Variants in B4GALT1 observed in about 807,000 individuals in gnomAD.
The protein encoded by B4GALT1 is N-acetyllactosamine synthase.
B4GALT1 carries 16 observed loss-of-function variants against 34.9 expected under a neutral mutation model. That is an observed-to-expected ratio of 0.46 (90% CI 0.31 to 0.70). The LOEUF is 0.70. Among genes scored for constraint, B4GALT1 ranks in the 30% least tolerant of loss-of-function variants. The pLI is 0.05. For missense variants in B4GALT1, 445 were observed against 530.5 expected (o/e 0.84, Z 1.58); for synonymous variants, 221 against 218.1 (o/e 1.01, Z -0.12).
At chr9:33,113,743 G>A (rs766562764) in intron 5 of B4GALT1, 31 bp downstream of exon 5, 1 of 1,612,670 alleles carries the variant, frequency 6.2e-7, no homozygotes, top group Non-Finnish European at 8.5e-7. Flanking sequence ...ATCCTAAAGG[G>A]GGAAGGAGTA....
At chr9:33,135,053 C>T (rs527940077) in intron 2 of B4GALT1, 136 bp downstream of exon 2, 18 of 878,820 alleles carry the variant, frequency 2.0e-5, no homozygotes, top group East Asian at 1.6e-4. Context: ...CTGGTGGTGG[C>T]TGGGGGGCTG....
chr9:33,171,838 AGCCATTTCACCTG>A (rs1240016054), upstream of B4GALT1, among the ~76,000 whole-genome samples: 1 of 152,196 alleles, frequency 6.6e-6, no homozygotes, highest in Non-Finnish European at 1.5e-5. Flanking sequence ...TACCAGCATG[AGCCATTTCACCTG>A]GCTGACTCCA....
At position 33,166,988 on chromosome 9, in the gene B4GALT1, T is replaced by G. The variant is rs776449487; in HGVS notation, c.182A>C (p.Gln61Pro). Reference protein sequence around the residue: ...PQLVGVSTPLQGGSNSAAAIG... With the variant: ...PQLVGVSTPLPGGSNSAAAIG... Reference sequence around the variant, plus strand: ...GGCGGCGGCACTGTTCGAGCCGCCCTGCAGCGGTGTGGAGACTCCGACCAG... The same window carrying G: ...GGCGGCGGCACTGTTCGAGCCGCCCGGCAGCGGTGTGGAGACTCCGACCAG... The change falls in exon 1 of 6, where the codon CAG becomes CCG. Residue 61 changes from glutamine to proline, a missense_variant. This residue lies in a region of B4GALT1 where 349 missense variants were observed against 395.5 expected (regional missense o/e 0.88). Coordinates refer to ENST00000379731, the MANE Select transcript of B4GALT1 (RefSeq NM_001497.4). The G allele has an allele frequency of 1.9e-5, 31 of 1,590,730 alleles. No homozygotes were observed. Among genetic ancestry groups the G allele is most frequent in the Non-Finnish European group, 2.6e-5 (31 of 1,175,072 alleles).
At chr9:33,180,519 T>C in the B4GALT1 span, among the ~76,000 whole-genome samples, 30 of 152,228 alleles carry the variant, frequency 2.0e-4, no homozygotes, top group Admixed American at 1.5e-3. Context: ...AAAGTCCATG[T>C]ACCAACCAGA....
At chr9:33,116,200 T>A (rs1839935294) in intron 3 of B4GALT1, 87 bp from the exon 4 acceptor site, 1 of 1,482,166 alleles carries the variant, frequency 6.7e-7, no homozygotes, top group Non-Finnish European at 9.2e-7. Flanking sequence ...ACATAAACAC[T>A]TTTAAAGTTA....
upstream of B4GALT1, among the ~76,000 whole-genome samples, chr9:33,168,813 C>T (rs1171100752): frequency 6.6e-6 from 1 of 152,260 alleles, no homozygotes; most frequent in Non-Finnish European, 1.5e-5. Flanking sequence ...CCCTGACCTC[C>T]AGATTCAACT....
chr9:33,181,105 C>G, the B4GALT1 span, among the ~76,000 whole-genome samples: 1 of 152,088 alleles, frequency 6.6e-6, no homozygotes, highest in Non-Finnish European at 1.5e-5. Flanking sequence ...TGAGAAATCT[C>G]CACTTCCTTT....
chr9:33,135,116 C>T, intron 2 of B4GALT1, 73 bp downstream of exon 2: 1 of 1,439,474 alleles, frequency 6.9e-7, no homozygotes, highest in Non-Finnish European at 9.6e-7. Context: ...TTCCCCTGCC[C>T]TCATTACACA....
chr9:33,148,804 TA>T (rs72391353), intron 1 of B4GALT1, among the ~76,000 whole-genome samples: 5,978 of 127,656 alleles, frequency 0.047, 152 homozygotes, highest in Non-Finnish European at 0.072. Context: ...TGCCTAAAAG[TA>T]AAAAAAAAAA....
chr9:33,134,158 G>C (rs752711600), intron 2 of B4GALT1, among the ~76,000 whole-genome samples: 7 of 152,222 alleles, frequency 4.6e-5, no homozygotes, highest in Non-Finnish European at 8.8e-5. Flanking sequence ...TGCAGCAAGT[G>C]ATGCAGCACA....
intron 3 of B4GALT1, among the ~76,000 whole-genome samples, chr9:33,116,517 G>A (rs1382018929): frequency 6.0e-5 from 6 of 100,018 alleles, no homozygotes; most frequent in South Asian, 7.2e-4. Flanking sequence ...ACACCAAACC[G>A]GATCTTTTTT....
upstream of B4GALT1, among the ~76,000 whole-genome samples, chr9:33,167,945 C>A (rs1166803161): frequency 1.3e-5 from 2 of 152,258 alleles, no homozygotes; most frequent in African/African-American, 4.8e-5. Flanking sequence ...CGGGTTGCCA[C>A]TTCTGTGCCT....
At chr9:33,138,968 C>T (rs1204503858) in intron 1 of B4GALT1, among the ~76,000 whole-genome samples, 1 of 151,892 alleles carries the variant, frequency 6.6e-6, no homozygotes, top group Non-Finnish European at 1.5e-5. Context: ...GCTCTCTCAC[C>T]CTCACATACA....
chr9:33,108,722 G>A (rs1839822388), downstream of B4GALT1: 1 of 152,050 alleles, frequency 6.6e-6, no homozygotes, highest in Non-Finnish European at 1.5e-5. Context: ...ATCAGTGAAA[G>A]GGTGAACTTA....
At chr9:33,142,232 C>T (rs545484378) in intron 1 of B4GALT1, among the ~76,000 whole-genome samples, 39 of 152,350 alleles carry the variant, frequency 2.6e-4, no homozygotes, top group African/African-American at 6.7e-4. Context: ...CTGCCTGCCT[C>T]GGCCTCCCAC....
intron 1 of B4GALT1, among the ~76,000 whole-genome samples, chr9:33,149,189 G>GA (rs1302792178): frequency 8.3e-6 from 1 of 121,018 alleles, no homozygotes; most frequent in Non-Finnish European, 1.7e-5. Context: ...TGAAAGGTAA[G>GA]AAAAAAAATT....
At chr9:33,126,693 T>C (rs1840114266) in intron 2 of B4GALT1, among the ~76,000 whole-genome samples, 1 of 31,460 alleles carries the variant, frequency 3.2e-5, no homozygotes. Context: ...CAACAAAACT[T>C]GGATCTGAGA....
At chr9:33,165,419 A>G (rs1181106170) in intron 1 of B4GALT1, among the ~76,000 whole-genome samples, 1 of 152,238 alleles carries the variant, frequency 6.6e-6, no homozygotes, top group Non-Finnish European at 1.5e-5. Context: ...GGCAGAGTCC[A>G]TTTCATTTTA....
chr9:33,119,289 C>T (rs1839986236), intron 3 of B4GALT1, among the ~76,000 whole-genome samples: 1 of 152,170 alleles, frequency 6.6e-6, no homozygotes, highest in South Asian at 2.1e-4. Context: ...CCACCAATGA[C>T]AATATGCTTT....
Sources: gnomAD v4.1 joint callset for allele counts (sites outside exome capture counted in the v4.1 genomes callset) on GRCh38, gnomAD v4.1.1 for gene constraint, gnomAD v4.1.1 regional missense constraint, MANE v1.5 for transcripts, NCBI Gene and HGNC (gene_info 2026-07-23, HGNC 2026-07-21) for gene names.